Variants in CDC42BPA observed in about 807,000 individuals in gnomAD.
The protein encoded by CDC42BPA is CDC42 binding protein kinase alpha.
A neutral mutation model predicts 223.5 loss-of-function variants in CDC42BPA; 80 were observed. The ratio of observed to expected loss-of-function variants is 0.36; its 90% confidence interval spans 0.30 to 0.43. The LOEUF (loss-of-function observed/expected upper bound fraction) is 0.43. CDC42BPA is among the 20% of genes least tolerant of loss of function. The pLI, the probability that CDC42BPA is intolerant of heterozygous loss-of-function variation, is 1.00. For synonymous variants in CDC42BPA, 694 were observed against 718.6 expected, an observed-to-expected ratio of 0.97 and a Z score of 0.55; for missense variants, 1,743 against 2,099.9, an observed-to-expected ratio of 0.83 and a Z score of 3.32.
At chr1:227,222,424 G>A (rs563330405) in intron 2 of CDC42BPA, among the ~76,000 whole-genome samples, 17 of 152,156 alleles carry the variant, frequency 1.1e-4, no homozygotes, top group Non-Finnish European at 2.4e-4. Flanking sequence ...GCTTGAACCC[G>A]GGAGGCTGAG....
At chr1:227,222,478 G>T (rs1310724325) in intron 2 of CDC42BPA, among the ~76,000 whole-genome samples, 1 of 152,118 alleles carries the variant, frequency 6.6e-6, no homozygotes, top group East Asian at 1.9e-4. Context: ...CAGCCTGGGG[G>T]ACACAGCGAG....
rs1691974650 is a variant in CDC42BPA at position 227,303,242 on chromosome 1, G to A, written c.178+13763C>T. Among the ~76,000 whole-genome samples the A allele has an allele frequency of 2.0e-5, 3 of 152,154 alleles. No homozygotes were observed. The South Asian group carries it at 6.2e-4, about 32-fold the overall frequency. Reference sequence around the variant, plus strand: ...AGTGTGACTGCCTGAGCCCTTTACTGAGAAGCCTCTGATATCTGCATCTCT... The same window carrying A: ...AGTGTGACTGCCTGAGCCCTTTACTAAGAAGCCTCTGATATCTGCATCTCT... On this transcript the variant is annotated intron_variant, in intron 1 of 36. Transcript: ENST00000366766.
chr1:226,999,335 C>T (rs1009608478), intron 35 of CDC42BPA, among the ~76,000 whole-genome samples: 2 of 152,090 alleles, frequency 1.3e-5, no homozygotes, highest in Non-Finnish European at 2.9e-5. Flanking sequence ...CGCCACCATG[C>T]CCAGCTAATT....
At chr1:227,127,813 A>G (rs1656151848) in intron 11 of CDC42BPA, among the ~76,000 whole-genome samples, 1 of 152,240 alleles carries the variant, frequency 6.6e-6, no homozygotes, top group South Asian at 2.1e-4. Context: ...TAATATAAAC[A>G]AAGTATTAAT....
At chr1:227,273,128 T>A (rs547630264) in intron 1 of CDC42BPA, among the ~76,000 whole-genome samples, 2 of 152,108 alleles carry the variant, frequency 1.3e-5, no homozygotes, top group Non-Finnish European at 2.9e-5. Flanking sequence ...TGAAACCCCA[T>A]CTCTACCAAA....
chr1:227,078,211 G>A (rs1203550481), intron 17 of CDC42BPA, among the ~76,000 whole-genome samples: 1 of 152,104 alleles, frequency 6.6e-6, no homozygotes, highest in African/African-American at 2.4e-5. Context: ...TAGTTTAACT[G>A]ATTATTCCCA....
At chr1:227,277,761 G>C (rs994190527) in intron 1 of CDC42BPA, among the ~76,000 whole-genome samples, 2 of 151,956 alleles carry the variant, frequency 1.3e-5, no homozygotes, top group Non-Finnish European at 2.9e-5. Flanking sequence ...TTGTTTGTTT[G>C]TTTCTTTTCA....
At chr1:227,213,054 AT>A in intron 3 of CDC42BPA, 81 bp downstream of exon 3, 1 of 700,022 alleles carries the variant, frequency 1.4e-6, no homozygotes, top group Non-Finnish European at 2.3e-6. Flanking sequence ...ACCAAGTAAT[AT>A]TTAATGAGCT....
chr1:227,279,073 G>A (rs1687599086), intron 1 of CDC42BPA, among the ~76,000 whole-genome samples: 1 of 151,616 alleles, frequency 6.6e-6, no homozygotes, highest in East Asian at 1.9e-4. Context: ...TGTGCAGAAG[G>A]TATTTCCTGA....
chr1:227,198,843 G>T (rs957914440), intron 4 of CDC42BPA, among the ~76,000 whole-genome samples: 1 of 151,662 alleles, frequency 6.6e-6, no homozygotes, highest in African/African-American at 2.4e-5. Context: ...TGCCTCCCAG[G>T]TTCAGGCTAT....
At position 227,189,361 on chromosome 1, in the gene CDC42BPA, T is replaced by C. The variant is rs145042563; in HGVS notation, c.599+4425A>G. ...ATAGACCTAGACAGAAAAATGTATTTAGAATTATAGAACCAAAGGATGAAA... is the reference window on the plus strand; with the variant it reads ...ATAGACCTAGACAGAAAAATGTATTCAGAATTATAGAACCAAAGGATGAAA... On this transcript the variant is annotated intron_variant, in intron 5 of 36. Coordinates refer to ENST00000366766, the MANE Select transcript of CDC42BPA (RefSeq NM_001394014.1). 1.5e-3 allele frequency among the ~76,000 whole-genome samples: 226 copies of C among 152,268 alleles called. 2 individuals carry two copies. Among genetic ancestry groups the C allele is most frequent in the African/African-American group, 5.1e-3 (213 of 41,548 alleles).
Position 227,030,409 on chromosome 1 carries a change from A to G in CDC42BPA, c.3837T>C (p.Asp1279=). The change falls in exon 29 of 37, where the codon GAT becomes GAC. Residue 1279 remains aspartate, a splice_region_variant and synonymous_variant. Transcript: ENST00000366766. ...EGLFVVHVTK[D]EIIRVGDNKK... is the part of the protein sequence containing the mutation. ...CAAAAAAAAAAAGTTTTCTCTTACCATCTTTGGTGACATGTACAACAAATA... is the reference window on the plus strand; with the variant it reads ...CAAAAAAAAAAAGTTTTCTCTTACCGTCTTTGGTGACATGTACAACAAATA... The G allele has an allele frequency of 1.3e-6, 2 of 1,586,434 alleles. No individual in the cohort carries two copies. Among genetic ancestry groups the G allele is most frequent in the South Asian group, 1.2e-5 (1 of 85,844 alleles).
In CDC42BPA at chr1:227,119,968, A is replaced by G. The variant is rs774193476; in HGVS notation, c.1514-31T>C. ...AACAAAAGACAATGTTTCTTTTACT[A>G]TTTGTATAAAAGCAAATGATTGAAC... is the stretch of plus-strand genomic sequence containing the variant. On this transcript the variant is annotated intron_variant, in intron 11 of 36. Transcript: ENST00000366766. The G allele has an allele frequency of 9.8e-6, 15 of 1,536,398 alleles. No individual in the cohort carries two copies. The South Asian group carries it at 1.2e-4, about 13-fold the overall frequency.
At chr1:227,111,330 C>T (rs936902412) in intron 14 of CDC42BPA, among the ~76,000 whole-genome samples, 17 of 152,110 alleles carry the variant, frequency 1.1e-4, no homozygotes, top group African/African-American at 3.9e-4. Flanking sequence ...AAAAATATCA[C>T]GTCAATTTGA....
chr1:227,168,497 G>GTGTTTTTTTTTTGTTTTTTT (rs1302291274), intron 5 of CDC42BPA, among the ~76,000 whole-genome samples: 1 of 80,196 alleles, frequency 1.2e-5, no homozygotes, highest in Non-Finnish European at 2.4e-5. Flanking sequence ...CTTCCCTGGT[G>GTGTTTTTTTTTTGTTTTTTT]TTTTTTTTTT....
At chr1:227,036,702 T>C (rs538057068) in intron 24 of CDC42BPA, among the ~76,000 whole-genome samples, 1 of 147,070 alleles carries the variant, frequency 6.8e-6, no homozygotes, top group Non-Finnish European at 1.5e-5. Flanking sequence ...GTGCTGAGAT[T>C]ACAGGCGTTG....
At chr1:227,012,947 T>C (rs1665504812) in intron 34 of CDC42BPA, among the ~76,000 whole-genome samples, 1 of 152,120 alleles carries the variant, frequency 6.6e-6, no homozygotes, top group Admixed American at 6.6e-5. Flanking sequence ...GTTAGATGAT[T>C]AAATGGATGC....
intron 5 of CDC42BPA, among the ~76,000 whole-genome samples, chr1:227,175,959 C>T (rs1666888925): frequency 6.6e-6 from 1 of 152,150 alleles, no homozygotes; most frequent in Non-Finnish European, 1.5e-5. Flanking sequence ...GTATGGTGTA[C>T]TGGGTGTGTG....
intron 9 of CDC42BPA, among the ~76,000 whole-genome samples, chr1:227,142,736 C>T (rs1204826738): frequency 1.3e-5 from 2 of 152,110 alleles, no homozygotes; most frequent in Non-Finnish European, 2.9e-5. Context: ...TCTCCTGCCT[C>T]GGCCTCCCGA....
Sources: allele counts gnomAD v4.1 joint callset (sites outside exome capture counted in the v4.1 genomes callset), GRCh38; gene constraint gnomAD v4.1.1; transcripts MANE v1.5; gene names NCBI Gene and HGNC (gene_info 2026-07-23, HGNC 2026-07-21).